BNIP2: variants seen among roughly 807,000 people sequenced by gnomAD.
BNIP2 encodes the protein BCL2 interacting protein 2, also known as BCL2/adenovirus E1B 19 kDa protein-interacting protein 2.
BNIP2 carries 36 observed loss-of-function variants against 43.4 expected under a neutral mutation model. That is an observed-to-expected ratio of 0.83 (90% CI 0.64 to 1.10). BNIP2 has a LOEUF of 1.10. Among genes scored for constraint, BNIP2 ranks in the 50% least tolerant of loss-of-function variants. BNIP2 has a pLI of 0.00. For missense variants in BNIP2, 417 were observed against 374.1 expected (o/e 1.11, Z -0.95); for synonymous variants, 146 against 121.0 (o/e 1.21, Z -1.35).
At chr15:59,688,695 T>TA in intron 1 of BNIP2, 1 of 1,534,498 alleles carries the variant, frequency 6.5e-7, no homozygotes, top group East Asian at 2.4e-5. Context: ...TTACTTATGC[T>TA]GCTTCCGTGT....
chr15:59,681,583 G>C (rs916138965), intron 2 of BNIP2, among the ~76,000 whole-genome samples: 8 of 151,942 alleles, frequency 5.3e-5, no homozygotes, highest in Admixed American at 1.3e-4. Flanking sequence ...TAAGCAGCTG[G>C]GACTACAGGC....
intron 1 of BNIP2, among the ~76,000 whole-genome samples, chr15:59,687,349 AT>A (rs34992157): frequency 0.39 from 55,652 of 144,330 alleles, 11,150 homozygotes; most frequent in East Asian, 0.56. Flanking sequence ...ACATCTTTTC[AT>A]CCTTTTTTTT....
At chr15:59,670,273 A>G (rs1181950805) in intron 7 of BNIP2, among the ~76,000 whole-genome samples, 1 of 152,194 alleles carries the variant, frequency 6.6e-6, no homozygotes, top group Non-Finnish European at 1.5e-5. Context: ...TCTACAAAAA[A>G]TACAAAAATT....
At chr15:59,682,279 A>T in intron 2 of BNIP2, 129 bp downstream of exon 2, 1 of 685,302 alleles carries the variant, frequency 1.5e-6, no homozygotes, top group Non-Finnish European at 2.4e-6. Flanking sequence ...GTGAGCTGAG[A>T]TCGCGCCACT....
At chr15:59,679,470 A>C in intron 4 of BNIP2, 122 bp downstream of exon 4, 6 of 1,168,892 alleles carry the variant, frequency 5.1e-6, no homozygotes, top group Non-Finnish European at 5.9e-6. Context: ...GAGAATATTC[A>C]AGGGTTAGCA....
intron 5 of BNIP2, among the ~76,000 whole-genome samples, chr15:59,674,802 T>C (rs1463758647): frequency 6.6e-6 from 1 of 152,228 alleles, no homozygotes; most frequent in Non-Finnish European, 1.5e-5. Flanking sequence ...AACTTCTATA[T>C]ATGGTACTGT....
rs375396370 is a variant in BNIP2 at position 59,674,181 on chromosome 15, T to C, written c.473-1442A>G. On this transcript the variant is annotated intron_variant, in intron 5 of 9. Transcript: ENST00000607373. ...ATGGAAAACAGCGCTAAAATATGTA[T>C]GTTTCAACAGCAGTCTTTAGATATT... 3.3e-5 allele frequency among the ~76,000 whole-genome samples: 5 copies of C among 152,138 alleles called. No individual in the cohort carries two copies. In the South Asian group the frequency reaches 1.0e-3, roughly 31 times the overall value.
intron 5 of BNIP2, chr15:59,676,770 G>A (rs149954068): frequency 1.8e-5 from 26 of 1,482,354 alleles, no homozygotes; most frequent in African/African-American, 9.7e-5. Flanking sequence ...GAGGATGAGC[G>A]GAGCTTTTCG....
At chr15:59,679,277 C>G (rs1280092083) in intron 4 of BNIP2, 1 of 202,978 alleles carries the variant, frequency 4.9e-6, no homozygotes, top group Non-Finnish European at 9.9e-6. Flanking sequence ...TTCAGAACTC[C>G]CTTCCCACAA....
At chr15:59,667,235 T>C (rs1892620576) in intron 9 of BNIP2, among the ~76,000 whole-genome samples, 1 of 152,172 alleles carries the variant, frequency 6.6e-6, no homozygotes, top group African/African-American at 2.4e-5. Flanking sequence ...AGAAACAAAA[T>C]GTGTTCAAAG....
intron 9 of BNIP2, among the ~76,000 whole-genome samples, chr15:59,667,097 G>A (rs1327271136): frequency 1.3e-5 from 2 of 152,212 alleles, no homozygotes; most frequent in Non-Finnish European, 2.9e-5. Flanking sequence ...AGAAAGGAAT[G>A]TGAAATCAGC....
chr15:59,669,789 C>A (rs996609164), intron 7 of BNIP2, among the ~76,000 whole-genome samples: 3 of 152,150 alleles, frequency 2.0e-5, no homozygotes, highest in Non-Finnish European at 4.4e-5. Flanking sequence ...ACCACAGGAA[C>A]AAAAACAAAT....
At chr15:59,673,810 G>A (rs543662088) in intron 5 of BNIP2, among the ~76,000 whole-genome samples, 1 of 152,072 alleles carries the variant, frequency 6.6e-6, no homozygotes, top group South Asian at 2.1e-4. Context: ...AAATTAGGCC[G>A]GGCGAGGTGG....
chr15:59,678,695 G>C, intron 4 of BNIP2: 1 of 1,211,500 alleles, frequency 8.3e-7, no homozygotes, highest in African/African-American at 1.6e-5. Context: ...TTGCAGTTTA[G>C]CTGATTTTCA....
intron 5 of BNIP2, 52 bp downstream of exon 5, chr15:59,677,859 A>C: frequency 6.5e-7 from 1 of 1,549,172 alleles, no homozygotes; most frequent in South Asian, 1.2e-5. Context: ...CCAAAAAAAA[A>C]AGAATTCTGA....
At chr15:59,682,760 A>G (rs1483999239) in intron 1 of BNIP2, among the ~76,000 whole-genome samples, 7 of 152,082 alleles carry the variant, frequency 4.6e-5, no homozygotes, top group African/African-American at 1.7e-4. Context: ...ACTTGTTTTC[A>G]GTTGCATGTA....
chr15:59,685,536 A>C (rs573357019), intron 1 of BNIP2, among the ~76,000 whole-genome samples: 1 of 152,146 alleles, frequency 6.6e-6, no homozygotes, highest in Admixed American at 6.6e-5. Context: ...ACAAAAACTA[A>C]ATAGCTCCTC....
intron 1 of BNIP2, among the ~76,000 whole-genome samples, chr15:59,685,405 G>A (rs1258566277): frequency 1.3e-5 from 2 of 152,184 alleles, no homozygotes; most frequent in African/African-American, 4.8e-5. Flanking sequence ...GGAGGCTAAG[G>A]CAGGAGAATC....
intron 5 of BNIP2, chr15:59,676,896 C>G (rs1402629364): frequency 6.2e-7 from 1 of 1,600,916 alleles, no homozygotes; most frequent in East Asian, 2.3e-5. Flanking sequence ...GTCACCTGCA[C>G]GGTGTGGCTG....
Sources: gnomAD v4.1 joint callset for allele counts (sites outside exome capture counted in the v4.1 genomes callset) on GRCh38, gnomAD v4.1.1 for gene constraint, MANE v1.5 for transcripts, NCBI Gene and HGNC (gene_info 2026-07-23, HGNC 2026-07-21) for gene names.